The following DDX25 variants were observed in gnomAD, a reference collection of about 807,000 sequenced individuals.
The protein encoded by DDX25 is ATP-dependent RNA helicase DDX25.
A neutral mutation model predicts 64.6 loss-of-function variants in DDX25; 70 were observed. That is an observed-to-expected ratio of 1.08 (90% CI 0.89 to 1.32). The LOEUF (loss-of-function observed/expected upper bound fraction) is 1.32, where lower values mean the gene tolerates loss of function less well. Ranked by LOEUF, DDX25 falls within the 40% of genes most tolerant of loss-of-function variation. The pLI, the probability that DDX25 is intolerant of heterozygous loss-of-function variation, is 0.00. For synonymous variants in DDX25, 211 were observed against 213.3 expected (o/e 0.99, Z 0.09); for missense variants, 587 against 604.4 (o/e 0.97, Z 0.30).
rs1565461588 is a variant in DDX25 at position 125,905,200 on chromosome 11, G to A, written c.64-12G>A. The A allele has an allele frequency of 7.1e-6, 11 of 1,551,454 alleles. No individual in the cohort carries two copies. The highest frequency in any genetic ancestry group is 9.6e-6 in the Non-Finnish European group (11 of 1,146,866). The stretch of plus-strand genomic sequence containing the variant: ...CATCCTAATATTGGTTGAAATTTGT[G>A]TCTCTCAATAGTTTTCAAACCTCAG... On this transcript the variant is annotated splice_polypyrimidine_tract_variant and intron_variant, in intron 1 of 11. Transcript: ENST00000263576.
In DDX25 at chr11:125,926,544, CTCTT is replaced by C. The variant is rs1945169637; in HGVS notation, c.*3665_*3668del. On this transcript the variant is annotated 3_prime_UTR_variant, in exon 12 of 12. Coordinates refer to ENST00000263576, the MANE Select transcript of DDX25 (RefSeq NM_013264.5). ...CTGAGAGAATTTGACATTTTCCCTT[CTCTT>C]TTTTTTTTTTTTGAGATGGAGTCTC... The C allele has an allele frequency of 1.3e-5, 2 of 150,940 alleles. No homozygotes were observed. Among genetic ancestry groups the C allele is most frequent in the East Asian group, 1.9e-4 (1 of 5,152 alleles). 9.4% of individuals were successfully genotyped at this position (150,940 alleles called of 1,614,324 possible).
chr11:125,911,291 TA>T lies in DDX25; in HGVS notation c.623-16del, dbSNP rs1944964605. On this transcript the variant is annotated intron_variant, in intron 7 of 11. Transcript: ENST00000263576. ...AGTTGTTTGCATCTGAAGGAGTGCT[TA>T]AAACCCTTTTCTCCCCAGTTCCCAG... 2 of 1,599,388 alleles carry T rather than the reference TA, an allele frequency of 1.3e-6. No homozygotes were observed. The highest frequency in any genetic ancestry group is 1.7e-6 in the Non-Finnish European group (2 of 1,172,710).
upstream of DDX25, among the ~76,000 whole-genome samples, chr11:125,903,748 CTG>C (rs1944832931): frequency 4.0e-5 from 1 of 25,224 alleles, no homozygotes; most frequent in Admixed American, 6.1e-4. Context: ...AATTAGAAAA[CTG>C]GGGGGCGGGG....
At chr11:125,904,301 C>A (rs950523548), upstream of DDX25, 27 of 376,354 alleles carry the variant, frequency 7.2e-5, no homozygotes, top group African/African-American at 5.7e-4. Context: ...GCTCTCTGCC[C>A]TCCGCCCCGC....
At chr11:125,911,753 C>T (rs1236531581) in intron 8 of DDX25, among the ~76,000 whole-genome samples, 1 of 152,178 alleles carries the variant, frequency 6.6e-6, no homozygotes, top group African/African-American at 2.4e-5. Context: ...AGTGCATCTG[C>T]ACCAAATTTG....
At chr11:125,904,875 G>A in intron 1 of DDX25, 1 of 556,870 alleles carries the variant, frequency 1.8e-6, no homozygotes, top group Non-Finnish European at 3.2e-6. Context: ...CTGCCCATTT[G>A]CCCATTAAGC....
chr11:125,908,915 T>C lies in DDX25; in HGVS notation c.507+412T>C, dbSNP rs565834761. Among the ~76,000 whole-genome samples the C allele has an allele frequency of 3.5e-4, 53 of 152,132 alleles. 1 individual carries two copies. Among genetic ancestry groups the C allele is most frequent in the African/African-American group, 1.3e-3 (52 of 41,482 alleles). ...CATCATGTGGATTTAATGAAGTAAT[T>C]TACGTTTTTAGCACAGTGCCTGGCA... On this transcript the variant is annotated intron_variant, in intron 6 of 11. Transcript: ENST00000263576.
chr11:125,908,155 C>G, intron 4 of DDX25, 41 bp from the exon 5 acceptor site: 1 of 1,502,928 alleles, frequency 6.7e-7, no homozygotes, highest in Non-Finnish European at 9.0e-7. Context: ...ATGCTACTGA[C>G]CAACTATAAT....
At chr11:125,916,171 T>C (rs1297546532) in intron 8 of DDX25, among the ~76,000 whole-genome samples, 1 of 152,228 alleles carries the variant, frequency 6.6e-6, no homozygotes, top group Non-Finnish European at 1.5e-5. Context: ...TCTGTCTCCT[T>C]CTCAAAAGAG....
At chr11:125,913,994 G>C (rs1334931918) in intron 8 of DDX25, among the ~76,000 whole-genome samples, 4 of 152,160 alleles carry the variant, frequency 2.6e-5, no homozygotes, top group Admixed American at 2.0e-4. Context: ...AATCACACTG[G>C]TGGTGGTCTC....
intron 4 of DDX25, among the ~76,000 whole-genome samples, chr11:125,907,907 T>A (rs1233138305): frequency 6.6e-6 from 1 of 152,240 alleles, no homozygotes; most frequent in Non-Finnish European, 1.5e-5. Context: ...ATATTCTTTT[T>A]ATGCGATGAG....
Position 125,923,689 on chromosome 11 carries a change from G to A in DDX25, c.*808G>A, listed in dbSNP as rs1462354409. The stretch of plus-strand genomic sequence containing the variant: ...CAGAATCCTGGACATTTTCCCACAA[G>A]ACCCATTGAGATACTTTTTAATTTT... On this transcript the variant is annotated 3_prime_UTR_variant, in exon 12 of 12. Transcript: ENST00000263576. 6.6e-6 allele frequency: 1 copy of A among 151,842 alleles called. No homozygotes were observed. The highest frequency in any genetic ancestry group is 1.5e-5 in the Non-Finnish European group (1 of 68,020). The allele number at this position is 151,842 out of a possible 1,614,324, so 9.4% of individuals were successfully genotyped here.
chr11:125,906,438 C>T (rs1944889344), intron 4 of DDX25, among the ~76,000 whole-genome samples: 1 of 151,928 alleles, frequency 6.6e-6, no homozygotes, highest in African/African-American at 2.4e-5. Flanking sequence ...GCCTCAGCCT[C>T]CCGAGTAGCT....
At chr11:125,918,089 C>T (rs1048922720) in intron 9 of DDX25, among the ~76,000 whole-genome samples, 5 of 152,138 alleles carry the variant, frequency 3.3e-5, no homozygotes, top group Non-Finnish European at 7.3e-5. Context: ...CCATGCTGGC[C>T]AGGCTGGTCT....
At chr11:125,912,427 T>C (rs1228683681) in intron 8 of DDX25, among the ~76,000 whole-genome samples, 1 of 152,230 alleles carries the variant, frequency 6.6e-6, no homozygotes, top group East Asian at 1.9e-4. Context: ...TGCCCCTCCG[T>C]ATCCACAAGG....
At position 125,911,314 on chromosome 11, in the gene DDX25, C is replaced by T. The variant is rs750021059; in HGVS notation, c.626C>T (p.Pro209Leu). ...VMYAIRGNRI[P>L]RGTDITKQII... ...CTTAAAACCCTTTTCTCCCCAGTTC[C>T]CAGAGGCACCGACATCACTAAACAG... The change falls in exon 8 of 12, where the codon CCC (proline) becomes CTC (leucine). Residue 209 changes from proline to leucine, a missense_variant. Pro to Leu is a moderately conservative substitution (Grantham distance 98, BLOSUM62 -3). Coordinates refer to ENST00000263576, the MANE Select transcript of DDX25 (RefSeq NM_013264.5). 6.2e-7 allele frequency: 1 copy of T among 1,610,096 alleles called. No individual in the cohort carries two copies.
intron 8 of DDX25, among the ~76,000 whole-genome samples, chr11:125,915,384 AAGTT>A (rs1339754428): frequency 6.6e-6 from 1 of 152,216 alleles, no homozygotes; most frequent in Non-Finnish European, 1.5e-5. Flanking sequence ...TCTCTTCAAC[AAGTT>A]AATCAATATA....
In DDX25 at chr11:125,905,556, G is replaced by T. The variant is rs1424945923; in HGVS notation, c.134G>T (p.Gly45Val). 2 of 1,551,600 alleles carry T rather than the reference G, an allele frequency of 1.3e-6. No individual in the cohort carries two copies. Among genetic ancestry groups the T allele is most frequent in the Non-Finnish European group, 1.7e-6 (2 of 1,146,824 alleles). The change falls in exon 3 of 12, where the codon GGT becomes GTT. Residue 45 changes from glycine to valine, a missense_variant. Physicochemically the swap from Gly to Val is moderately radical, Grantham distance 109. Coordinates refer to ENST00000263576, the MANE Select transcript of DDX25 (RefSeq NM_013264.5). ...GTTTCTCTTCCATCCTTTCCAGATG[G>T]TTCTATTAATAACATCAATGAAGAT... Reference protein sequence around the residue: ...IKSTAVRNIDGSINNINEDDE... With the variant: ...IKSTAVRNIDVSINNINEDDE...
chr11:125,911,775 T>C (rs1944972112), intron 8 of DDX25, among the ~76,000 whole-genome samples: 2 of 152,234 alleles, frequency 1.3e-5, no homozygotes, highest in South Asian at 2.1e-4. Flanking sequence ...CAATATGTTC[T>C]ATATTTTGGC....
Sources: allele counts gnomAD v4.1 joint callset (sites outside exome capture counted in the v4.1 genomes callset), GRCh38; gene constraint gnomAD v4.1.1; transcripts MANE v1.5; gene names NCBI Gene and HGNC (gene_info 2026-07-23, HGNC 2026-07-21).